The following ARHGAP25 variants were observed in gnomAD, a reference collection of about 807,000 sequenced individuals.
ARHGAP25 encodes Rho GTPase activating protein 25, also known as rho GTPase-activating protein 25.
In ARHGAP25, 34 loss-of-function variants were observed where a neutral mutation model predicts 71.0. The ratio of observed to expected loss-of-function variants is 0.48; its 90% confidence interval spans 0.36 to 0.64. The LOEUF is 0.64. Ranked by LOEUF, ARHGAP25 falls within the 30% of genes least tolerant of loss-of-function variation. The pLI, the probability that ARHGAP25 is intolerant of heterozygous loss-of-function variation, is 0.00. For synonymous variants in ARHGAP25, 282 were observed against 296.5 expected, an observed-to-expected ratio of 0.95 and a Z score of 0.50; for missense variants, 706 against 805.1, an observed-to-expected ratio of 0.88 and a Z score of 1.49.
upstream of ARHGAP25, among the ~76,000 whole-genome samples, chr2:68,733,438 A>T (rs1354295898): frequency 6.6e-6 from 1 of 152,196 alleles, no homozygotes; most frequent in Non-Finnish European, 1.5e-5. Context: ...TTGGTTCAGA[A>T]ATGAAGGAGA....
chr2:68,786,913 G>A (rs1678796213), intron 3 of ARHGAP25, among the ~76,000 whole-genome samples: 1 of 152,206 alleles, frequency 6.6e-6, no homozygotes, highest in South Asian at 2.1e-4. Context: ...GATCACTATT[G>A]TTTTCTTGTC....
intron 6 of ARHGAP25, among the ~76,000 whole-genome samples, chr2:68,815,416 C>A (rs6742809): frequency 0.051 from 2,096 of 40,912 alleles, 51 homozygotes; most frequent in African/African-American, 0.1. Context: ...GGAGTGCCTG[C>A]ACACCGGCAT....
intron 4 of ARHGAP25, among the ~76,000 whole-genome samples, chr2:68,794,033 G>A (rs185312569): frequency 4.9e-4 from 74 of 152,044 alleles, no homozygotes; most frequent in African/African-American, 1.7e-3. Flanking sequence ...TATAGCTATT[G>A]TAAATCAGAA....
chr2:68,770,631 C>A (rs79737006), intron 1 of ARHGAP25, among the ~76,000 whole-genome samples: 2,203 of 152,334 alleles, frequency 0.014, 60 homozygotes, highest in African/African-American at 0.049. Context: ...ACAGCAGAAA[C>A]AACATCCCTA....
chr2:68,797,182 C>A (rs998609440), intron 4 of ARHGAP25, among the ~76,000 whole-genome samples: 1 of 152,154 alleles, frequency 6.6e-6, no homozygotes, highest in Admixed American at 6.5e-5. Flanking sequence ...TGTATTCAGG[C>A]CCTCCAATGG....
intron 8 of ARHGAP25, 46 bp from the exon 9 acceptor site, chr2:68,819,077 C>T (rs1444621497): frequency 5.4e-6 from 8 of 1,479,514 alleles, no homozygotes; most frequent in Non-Finnish European, 6.3e-6. Flanking sequence ...GGACTGACTA[C>T]CTGCCTCCTA....
chr2:68,736,137 T>A (rs1675209534), intron 1 of ARHGAP25, among the ~76,000 whole-genome samples: 1 of 152,214 alleles, frequency 6.6e-6, no homozygotes, highest in South Asian at 2.1e-4. Context: ...GGAGGAATTT[T>A]GCTTGGAAAA....
At chr2:68,796,272 T>A (rs996685730) in intron 4 of ARHGAP25, among the ~76,000 whole-genome samples, 2 of 152,244 alleles carry the variant, frequency 1.3e-5, no homozygotes, top group Non-Finnish European at 2.9e-5. Context: ...ATTTTAGATT[T>A]CTCTTGCATC....
At chr2:68,792,734 A>G (rs935022199) in intron 4 of ARHGAP25, among the ~76,000 whole-genome samples, 1 of 152,242 alleles carries the variant, frequency 6.6e-6, no homozygotes, top group Non-Finnish European at 1.5e-5. Flanking sequence ...TGTGAGAAAC[A>G]TTCAAGTGCA....
At chr2:68,741,118 C>G (rs1290396165) in intron 1 of ARHGAP25, among the ~76,000 whole-genome samples, 2 of 152,212 alleles carry the variant, frequency 1.3e-5, no homozygotes, top group African/African-American at 4.8e-5. Context: ...AACCTCAGAT[C>G]AGACTAGAAG....
chr2:68,811,228 A>G (rs929720238), intron 5 of ARHGAP25, among the ~76,000 whole-genome samples: 1 of 152,192 alleles, frequency 6.6e-6, no homozygotes, highest in African/African-American at 2.4e-5. Flanking sequence ...TGACTTTAGG[A>G]TAATAGAATT....
chr2:68,809,288 C>T (rs998604821), intron 5 of ARHGAP25, among the ~76,000 whole-genome samples: 1 of 152,098 alleles, frequency 6.6e-6, no homozygotes, highest in East Asian at 1.9e-4. Flanking sequence ...CCGCAATGGG[C>T]AGAGCATAGA....
chr2:68,730,664 A>T (rs959404436), upstream of ARHGAP25, among the ~76,000 whole-genome samples: 1 of 151,966 alleles, frequency 6.6e-6, no homozygotes, highest in African/African-American at 2.4e-5. Flanking sequence ...AAAAAAAAAA[A>T]AAAAGTTCTC....
At chr2:68,724,991 A>G (rs996925447) in intron 2 of ARHGAP25, among the ~76,000 whole-genome samples, 5 of 152,222 alleles carry the variant, frequency 3.3e-5, no homozygotes, top group Admixed American at 2.0e-4. Context: ...TTAGAAAAAC[A>G]TCACCCCCAT....
At chr2:68,791,126 T>C (rs894568500) in intron 4 of ARHGAP25, among the ~76,000 whole-genome samples, 12 of 152,258 alleles carry the variant, frequency 7.9e-5, no homozygotes, top group African/African-American at 2.9e-4. Flanking sequence ...TCTATGATTC[T>C]GTTTAACGTT....
chr2:68,799,304 G>C (rs1339062787), intron 4 of ARHGAP25, among the ~76,000 whole-genome samples: 1 of 152,170 alleles, frequency 6.6e-6, no homozygotes, highest in Non-Finnish European at 1.5e-5. Flanking sequence ...CTGTCTCTCT[G>C]TAATGCTGAG....
chr2:68,747,996 G>A (rs536263029), intron 1 of ARHGAP25, among the ~76,000 whole-genome samples: 3 of 152,102 alleles, frequency 2.0e-5, no homozygotes, highest in Non-Finnish European at 2.9e-5. Flanking sequence ...GGCCAGACTC[G>A]ACATCTTTTA....
At chr2:68,775,959 A>T (rs1205894645) in intron 2 of ARHGAP25, among the ~76,000 whole-genome samples, 1 of 152,188 alleles carries the variant, frequency 6.6e-6, no homozygotes, top group Non-Finnish European at 1.5e-5. Flanking sequence ...TGAGGAAAAA[A>T]TAGGATGAGC....
chr2:68,784,894 G>C (rs541322436), intron 3 of ARHGAP25, among the ~76,000 whole-genome samples: 1 of 152,208 alleles, frequency 6.6e-6, no homozygotes, highest in African/African-American at 2.4e-5. Context: ...TGCTGGCTGA[G>C]GTGGTTGATT....
Sources: gnomAD v4.1 joint callset for allele counts (sites outside exome capture counted in the v4.1 genomes callset) on GRCh38, gnomAD v4.1.1 for gene constraint, MANE v1.5 for transcripts, NCBI Gene and HGNC (gene_info 2026-07-23, HGNC 2026-07-21) for gene names.